The following CNTNAP2 variants were observed in gnomAD, a reference collection of about 807,000 sequenced individuals.
CNTNAP2 encodes contactin-associated protein-like 2.
Under a neutral mutation model 155.2 loss-of-function variants are expected in CNTNAP2, and 98 were observed. The observed-to-expected ratio is 0.63, with a 90% CI of 0.54 to 0.75. The LOEUF is 0.75. Among genes scored for constraint, CNTNAP2 ranks in the 30% least tolerant of loss-of-function variants. The pLI, the probability that CNTNAP2 is intolerant of heterozygous loss-of-function variation, is 0.00. For missense variants in CNTNAP2, 1,727 were observed against 1,688.1 expected (o/e 1.02, Z -0.40); for synonymous variants, 651 against 631.2 (o/e 1.03, Z -0.47).
chr7:146,372,871 A>C (rs573912038), intron 1 of CNTNAP2, among the ~76,000 whole-genome samples: 1 of 152,308 alleles, frequency 6.6e-6, no homozygotes, highest in Middle Eastern at 3.4e-3. Context: ...TCATGTTTGT[A>C]TAAGAGACAA....
At chr7:146,413,269 G>A (rs1276093848) in intron 1 of CNTNAP2, among the ~76,000 whole-genome samples, 1 of 152,156 alleles carries the variant, frequency 6.6e-6, no homozygotes, top group Non-Finnish European at 1.5e-5. Context: ...TGCATGTCGT[G>A]AGGGCCACTT....
intron 3 of CNTNAP2, among the ~76,000 whole-genome samples, chr7:146,854,584 T>G (rs2129203765): frequency 6.6e-6 from 1 of 152,304 alleles, no homozygotes; most frequent in South Asian, 2.1e-4. Context: ...AAGAGCCTAC[T>G]TGCAACATAT....
intron 18 of CNTNAP2, among the ~76,000 whole-genome samples, chr7:148,183,327 G>A (rs1795068212): frequency 6.6e-6 from 1 of 152,092 alleles, no homozygotes; most frequent in Non-Finnish European, 1.5e-5. Flanking sequence ...TAATTCTGAG[G>A]GCGTAATTTG....
chr7:146,495,168 G>A (rs1350084980), intron 1 of CNTNAP2, among the ~76,000 whole-genome samples: 3 of 152,168 alleles, frequency 2.0e-5, no homozygotes, highest in East Asian at 1.9e-4. Context: ...AGCTCCTCTG[G>A]GACCCTAGTT....
chr7:148,064,308 T>TAC (rs1220686833), intron 15 of CNTNAP2, among the ~76,000 whole-genome samples: 1 of 152,126 alleles, frequency 6.6e-6, no homozygotes, highest in Non-Finnish European at 1.5e-5. Context: ...AATTTATAGA[T>TAC]TGCTTTTGGC....
At chr7:147,412,822 A>C (rs2116491362) in intron 10 of CNTNAP2, among the ~76,000 whole-genome samples, 1 of 152,340 alleles carries the variant, frequency 6.6e-6, no homozygotes, top group East Asian at 1.9e-4. Context: ...AAAATGGACT[A>C]TATAAACTAA....
chr7:148,133,241 A>G (rs1473503788), intron 16 of CNTNAP2, among the ~76,000 whole-genome samples: 1 of 152,060 alleles, frequency 6.6e-6, no homozygotes, highest in Non-Finnish European at 1.5e-5. Flanking sequence ...GCAGGCAGAT[A>G]GCCTGAGGCC....
intron 1 of CNTNAP2, among the ~76,000 whole-genome samples, chr7:146,238,591 GA>G (rs532714257): frequency 2.1e-4 from 32 of 150,858 alleles, no homozygotes; most frequent in Middle Eastern, 3.4e-3. Flanking sequence ...TATGAGTGAG[GA>G]AAAAAAAAGT....
chr7:146,548,594 G>A (rs2693395), intron 1 of CNTNAP2, among the ~76,000 whole-genome samples: 5,259 of 151,988 alleles, frequency 0.035, 322 homozygotes, highest in African/African-American at 0.12. Context: ...GACTAGTGAC[G>A]CTAAGCAATC....
chr7:148,199,140 C>A (rs1363799775), intron 18 of CNTNAP2, among the ~76,000 whole-genome samples: 9 of 152,130 alleles, frequency 5.9e-5, no homozygotes, highest in Non-Finnish European at 1.2e-4. Flanking sequence ...ATAAAATGAT[C>A]ACTCTGGCTA....
intron 11 of CNTNAP2, among the ~76,000 whole-genome samples, chr7:147,530,562 T>C (rs1411597463): frequency 6.6e-6 from 1 of 152,128 alleles, no homozygotes; most frequent in Non-Finnish European, 1.5e-5. Context: ...TTAGATCTCA[T>C]GAGACTTATT....
intron 12 of CNTNAP2, among the ~76,000 whole-genome samples, chr7:147,626,809 G>C (rs1479516317): frequency 6.6e-6 from 1 of 152,160 alleles, no homozygotes; most frequent in Non-Finnish European, 1.5e-5. Flanking sequence ...TGGCTAACCA[G>C]AGTTCCTGAG....
At chr7:147,523,100 T>A (rs1799258966) in intron 11 of CNTNAP2, among the ~76,000 whole-genome samples, 1 of 152,098 alleles carries the variant, frequency 6.6e-6, no homozygotes, top group African/African-American at 2.4e-5. Flanking sequence ...CAAGATGCAA[T>A]CAAGATGCTG....
intron 1 of CNTNAP2, among the ~76,000 whole-genome samples, chr7:146,267,369 G>C (rs776673334): frequency 6.6e-6 from 1 of 152,110 alleles, no homozygotes; most frequent in African/African-American, 2.4e-5. Flanking sequence ...CTGTATTTAC[G>C]TAGTCTTCTC....
At chr7:148,311,925 C>T (rs566670035) in intron 21 of CNTNAP2, among the ~76,000 whole-genome samples, 21 of 152,140 alleles carry the variant, frequency 1.4e-4, no homozygotes, top group African/African-American at 5.1e-4. Context: ...CTGTGTGAGG[C>T]CGGATTGAAG....
At chr7:147,291,341 C>A (rs1007079871) in intron 8 of CNTNAP2, among the ~76,000 whole-genome samples, 1 of 152,012 alleles carries the variant, frequency 6.6e-6, no homozygotes, top group Non-Finnish European at 1.5e-5. Flanking sequence ...CCACAACAGG[C>A]CCCGGTGTGT....
At chr7:147,064,220 G>T (rs1180663261) in intron 4 of CNTNAP2, among the ~76,000 whole-genome samples, 1 of 138,496 alleles carries the variant, frequency 7.2e-6, no homozygotes, top group Non-Finnish European at 1.5e-5. Flanking sequence ...TAGAAATAGT[G>T]TATTGAGTGA....
At chr7:146,990,616 T>C (rs1798192532) in intron 3 of CNTNAP2, among the ~76,000 whole-genome samples, 1 of 152,078 alleles carries the variant, frequency 6.6e-6, no homozygotes, top group South Asian at 2.1e-4. Flanking sequence ...GAAAACCTTG[T>C]TCATAATTAA....
chr7:148,365,761 TATAC>T (rs771116645), intron 21 of CNTNAP2, among the ~76,000 whole-genome samples: 2,012 of 95,674 alleles, frequency 0.021, 739 homozygotes, highest in African/African-American at 0.028. Context: ...CATGTATGTG[TATAC>T]GTGTATACAT....
Sources: allele counts gnomAD v4.1 joint callset (sites outside exome capture counted in the v4.1 genomes callset), GRCh38; gene constraint gnomAD v4.1.1; transcripts MANE v1.5; gene names NCBI Gene and HGNC (gene_info 2026-07-23, HGNC 2026-07-21).